KCNH5: variants seen among roughly 807,000 people sequenced by gnomAD.
KCNH5 encodes voltage-gated delayed rectifier potassium channel KCNH5.
A neutral mutation model predicts 96.1 loss-of-function variants in KCNH5; 46 were observed. That is an observed-to-expected ratio of 0.48 (90% CI 0.38 to 0.61). The LOEUF is 0.61. Ranked by LOEUF, KCNH5 falls within the 20% of genes least tolerant of loss-of-function variation. KCNH5 has a pLI of 0.00. For synonymous variants in KCNH5, 439 were observed against 449.8 expected, an observed-to-expected ratio of 0.98 and a Z score of 0.30; for missense variants, 907 against 1,225.8, an observed-to-expected ratio of 0.74 and a Z score of 3.88.
chr14:63,024,208 C>CAAAAAAAAAAAAAAAAAAAAAAAAAAAAA, intron 1 of KCNH5, among the ~76,000 whole-genome samples: 1 of 140,286 alleles, frequency 7.1e-6, no homozygotes, highest in East Asian at 2.1e-4. Context: ...GACTCCATCT[C>CAAAAAAAAAAAAAAAAAAAAAAAAAAAAA]AAAAAATATA....
intron 2 of KCNH5, among the ~76,000 whole-genome samples, chr14:63,010,021 C>T (rs754845559): frequency 3.9e-5 from 6 of 152,152 alleles, no homozygotes; most frequent in Non-Finnish European, 8.8e-5. Context: ...CTTCCACTTG[C>T]TCTCTTACAT....
rs1018035169 is a variant in KCNH5, at chr14:62,886,299, A to T, written c.1370-36447T>A. 4.6e-5 allele frequency among the ~76,000 whole-genome samples: 7 copies of T among 152,212 alleles called. No individual in the cohort carries two copies. In the East Asian group the frequency reaches 1.2e-3, roughly 25 times the overall value. On this transcript the variant is annotated intron_variant, in intron 7 of 10. Transcript: ENST00000322893. Reference sequence around the variant, plus strand: ...TAAGCACGAAGCAATTCGGCCAAAAACTGCAATACTGTGTAGCACGTGAAA... The same window carrying T: ...TAAGCACGAAGCAATTCGGCCAAAATCTGCAATACTGTGTAGCACGTGAAA...
rs564888021 is a variant in KCNH5, at chr14:62,795,534, G to A, written c.1822+6795C>T. ...TAAATACACAGGATGATGTGCATAG[G>A]TTGTATGCAAATACTACACCATTTT... On this transcript the variant is annotated intron_variant, in intron 9 of 10. Transcript: ENST00000322893. 3.5e-4 allele frequency among the ~76,000 whole-genome samples: 53 copies of A among 152,222 alleles called. No individual in the cohort carries two copies. In the South Asian group the frequency reaches 3.5e-3, roughly 10 times the overall value.
chr14:62,962,229 T>C (rs769751147), intron 6 of KCNH5, among the ~76,000 whole-genome samples: 3 of 152,122 alleles, frequency 2.0e-5, no homozygotes, highest in Non-Finnish European at 4.4e-5. Flanking sequence ...ACAACCTCCT[T>C]GTTTCAGCCC....
chr14:62,976,156 T>C (rs1370938984), intron 6 of KCNH5, among the ~76,000 whole-genome samples: 2 of 150,770 alleles, frequency 1.3e-5, no homozygotes, highest in Non-Finnish European at 2.9e-5. Context: ...ATCCCAGCAC[T>C]TTGGGAGGCC....
intron 7 of KCNH5, among the ~76,000 whole-genome samples, chr14:62,942,365 C>T (rs1005068594): frequency 1.3e-5 from 2 of 152,190 alleles, no homozygotes; most frequent in Non-Finnish European, 2.9e-5. Context: ...TTGCTCCCAA[C>T]TTACTCTATA....
intron 7 of KCNH5, among the ~76,000 whole-genome samples, chr14:62,939,464 A>G (rs949674349): frequency 6.6e-6 from 1 of 152,212 alleles, no homozygotes; most frequent in Non-Finnish European, 1.5e-5. Context: ...TTTCCATCAG[A>G]ATAACCTGCA....
intron 1 of KCNH5, among the ~76,000 whole-genome samples, chr14:63,018,491 C>T (rs568609013): frequency 5.3e-5 from 8 of 151,844 alleles, no homozygotes; most frequent in Non-Finnish European, 1.0e-4. Flanking sequence ...ACCAGCTCCC[C>T]GAAGGTAGAA....
chr14:62,840,085 C>G (rs1887545403), intron 8 of KCNH5, among the ~76,000 whole-genome samples: 1 of 152,116 alleles, frequency 6.6e-6, no homozygotes, highest in Non-Finnish European at 1.5e-5. Flanking sequence ...ATGTTTATTT[C>G]TATTTATCAC....
chr14:62,815,902 G>C (rs1886968117), intron 8 of KCNH5, among the ~76,000 whole-genome samples: 1 of 151,742 alleles, frequency 6.6e-6, no homozygotes, highest in East Asian at 1.9e-4. Context: ...ACTGTAGAAA[G>C]TAAAGGTAGT....
At chr14:62,763,269 T>G (rs1254457679) in intron 10 of KCNH5, among the ~76,000 whole-genome samples, 2 of 152,042 alleles carry the variant, frequency 1.3e-5, no homozygotes, top group African/African-American at 2.4e-5. Flanking sequence ...TACATGGAAA[T>G]TAAACAACCT....
chr14:63,018,099 C>T (rs1891359078), intron 1 of KCNH5, among the ~76,000 whole-genome samples: 1 of 151,860 alleles, frequency 6.6e-6, no homozygotes. Context: ...ATATGAAAAG[C>T]AAAATCTGTT....
chr14:62,789,499 C>G (rs1038002692), intron 9 of KCNH5, among the ~76,000 whole-genome samples: 2 of 151,864 alleles, frequency 1.3e-5, no homozygotes, highest in African/African-American at 4.8e-5. Flanking sequence ...TTTAATAAAC[C>G]TCCATATTGT....
At chr14:62,860,735 A>T (rs1888017304) in intron 7 of KCNH5, among the ~76,000 whole-genome samples, 1 of 152,190 alleles carries the variant, frequency 6.6e-6, no homozygotes, top group South Asian at 2.1e-4. Flanking sequence ...TGCTTAAGGC[A>T]TCACACCCTC....
chr14:62,916,243 C>T (rs77958887), intron 7 of KCNH5, among the ~76,000 whole-genome samples: 19,096 of 152,106 alleles, frequency 0.13, 1,384 homozygotes, highest in East Asian at 0.28. Flanking sequence ...TGAGCCACCA[C>T]GCCCAGCCAG....
chr14:62,948,593 G>A (rs1889938480), intron 7 of KCNH5, among the ~76,000 whole-genome samples: 1 of 151,558 alleles, frequency 6.6e-6, no homozygotes, highest in South Asian at 2.1e-4. Flanking sequence ...AGGAGGAACT[G>A]GTACCATTCC....
At chr14:62,969,134 G>A (rs975555490) in intron 6 of KCNH5, among the ~76,000 whole-genome samples, 1 of 151,982 alleles carries the variant, frequency 6.6e-6, no homozygotes, top group African/African-American at 2.4e-5. Context: ...CAAACACTTG[G>A]AGATTAAATA....
chr14:62,970,044 T>TAAAAAAAAA (rs373852520), intron 6 of KCNH5, among the ~76,000 whole-genome samples: 625 of 30,336 alleles, frequency 0.021, 31 homozygotes, highest in Non-Finnish European at 0.031. Context: ...AGACTCCGTC[T>TAAAAAAAAA]AAAAAAAAAA....
intron 8 of KCNH5, among the ~76,000 whole-genome samples, chr14:62,817,146 TAC>T (rs967725137): frequency 7.2e-5 from 10 of 138,400 alleles, no homozygotes; most frequent in South Asian, 4.3e-4. Context: ...AATATATATA[TAC>T]ACACATATAC....
Sources: gnomAD v4.1 joint callset for allele counts (sites outside exome capture counted in the v4.1 genomes callset) on GRCh38, gnomAD v4.1.1 for gene constraint, MANE v1.5 for transcripts, NCBI Gene and HGNC (gene_info 2026-07-23, HGNC 2026-07-21) for gene names.